The following C12orf42 variants were observed in gnomAD, a reference collection of about 807,000 sequenced individuals.
C12orf42 encodes the protein chromosome 12 open reading frame 42.
A neutral mutation model predicts 21.6 loss-of-function variants in C12orf42; 25 were observed. The ratio of observed to expected loss-of-function variants is 1.16; its 90% CI spans 0.84 to 1.62. The LOEUF is 1.62. Among genes scored for constraint, C12orf42 ranks in the 40% most tolerant of loss-of-function variants. The pLI, the probability that C12orf42 is intolerant of heterozygous loss-of-function variation, is 0.00. For missense variants in C12orf42, 483 were observed against 459.3 expected (o/e 1.05, Z -0.47); for synonymous variants, 174 against 175.0 (o/e 0.99, Z 0.05).
At chr12:103,147,493 CTTTTTTTTTCT>C in the C12orf42 span, among the ~76,000 whole-genome samples, 37 of 84,962 alleles carry the variant, frequency 4.4e-4, no homozygotes, top group African/African-American at 1.6e-3. Context: ...TTCTTTTTTT[CTTTTTTTTTCT>C]TTTTTTTTTT....
chr12:103,151,020 C>A, the C12orf42 span, among the ~76,000 whole-genome samples: 3 of 152,204 alleles, frequency 2.0e-5, no homozygotes, highest in South Asian at 6.2e-4. Context: ...CTTCACCTCC[C>A]AGGTTCAAGC....
the C12orf42 span, among the ~76,000 whole-genome samples, chr12:103,520,291 G>T: frequency 6.6e-6 from 1 of 152,144 alleles, no homozygotes; most frequent in Non-Finnish European, 1.5e-5. Flanking sequence ...AGAGTGTTGA[G>T]ATCATCAGCC....
At chr12:103,320,284 T>G (rs1471875002) in intron 4 of C12orf42, among the ~76,000 whole-genome samples, 1 of 152,176 alleles carries the variant, frequency 6.6e-6, no homozygotes, top group Admixed American at 6.5e-5. Flanking sequence ...CCAATAGAAA[T>G]ATTAACTTAA....
the C12orf42 span, among the ~76,000 whole-genome samples, chr12:103,153,830 A>G: frequency 6.6e-6 from 1 of 152,026 alleles, no homozygotes; most frequent in African/African-American, 2.4e-5. Flanking sequence ...AAATTCATAC[A>G]TATACTCACC....
the C12orf42 span, among the ~76,000 whole-genome samples, chr12:103,141,805 C>T: frequency 1.3e-5 from 2 of 152,166 alleles, no homozygotes; most frequent in Non-Finnish European, 2.9e-5. Context: ...GCTGGGATTA[C>T]AGGCATGAGC....
intron 2 of C12orf42, among the ~76,000 whole-genome samples, chr12:103,474,660 C>T (rs1212463707): frequency 6.6e-6 from 1 of 152,136 alleles, no homozygotes; most frequent in African/African-American, 2.4e-5. Flanking sequence ...TTAAATCAAG[C>T]CACCACTTTT....
intron 2 of C12orf42, among the ~76,000 whole-genome samples, chr12:103,455,367 G>A (rs752292247): frequency 2.0e-5 from 3 of 152,132 alleles, no homozygotes; most frequent in Non-Finnish European, 4.4e-5. Flanking sequence ...GTTTTTTAAA[G>A]AAGGGTGATA....
chr12:103,386,555 G>A (rs955491599), intron 3 of C12orf42, among the ~76,000 whole-genome samples: 1 of 152,204 alleles, frequency 6.6e-6, no homozygotes, highest in Non-Finnish European at 1.5e-5. Context: ...ACCACTGGCA[G>A]TCTTCCTGAA....
the C12orf42 span, chr12:103,178,287 T>C: frequency 6.6e-6 from 1 of 152,158 alleles, no homozygotes; most frequent in Non-Finnish European, 1.5e-5. Context: ...TTTAATAATT[T>C]TTTTCTTTTG....
At chr12:103,366,449 C>T (rs984224828) in intron 4 of C12orf42, among the ~76,000 whole-genome samples, 3 of 151,908 alleles carry the variant, frequency 2.0e-5, no homozygotes, top group Non-Finnish European at 4.4e-5. Flanking sequence ...GCAATAAAAA[C>T]AAAGATAAAT....
At chr12:103,174,829 C>T in the C12orf42 span, among the ~76,000 whole-genome samples, 933 of 152,164 alleles carry the variant, frequency 6.1e-3, 3 homozygotes, top group Non-Finnish European at 9.2e-3. Context: ...TCAAATCTCA[C>T]CAAGTGATGT....
chr12:103,386,883 G>A (rs564225427), intron 3 of C12orf42, among the ~76,000 whole-genome samples: 1 of 152,162 alleles, frequency 6.6e-6, no homozygotes, highest in African/African-American at 2.4e-5. Flanking sequence ...ATCCCTAACC[G>A]CTAGCTCTTC....
At chr12:103,183,143 C>T in the C12orf42 span, among the ~76,000 whole-genome samples, 16 of 152,176 alleles carry the variant, frequency 1.1e-4, no homozygotes, top group African/African-American at 3.9e-4. Flanking sequence ...GTACAGTGGC[C>T]CGTTCTCAGT....
At chr12:103,295,987 A>G (rs2037247653) in intron 4 of C12orf42, among the ~76,000 whole-genome samples, 1 of 148,704 alleles carries the variant, frequency 6.7e-6, no homozygotes, top group Non-Finnish European at 1.5e-5. Flanking sequence ...TGCATTAGGT[A>G]TATCTCCCAA....
chr12:103,147,479 ATTTTTCTT>A, the C12orf42 span, among the ~76,000 whole-genome samples: 5 of 116,338 alleles, frequency 4.3e-5, no homozygotes, highest in East Asian at 2.6e-4. Context: ...ATTTTTTTTA[ATTTTTCTT>A]TTTTTCTTTT....
the C12orf42 span, among the ~76,000 whole-genome samples, chr12:103,115,351 C>T: frequency 3.9e-5 from 6 of 152,300 alleles, no homozygotes; most frequent in South Asian, 1.2e-3. Context: ...TTTCTCCACA[C>T]CCCAATTACA....
chr12:103,267,717 G>A (rs2035238813), downstream of C12orf42: 1 of 152,092 alleles, frequency 6.6e-6, no homozygotes, highest in African/African-American at 2.4e-5. Flanking sequence ...AGCTGAGAAG[G>A]GAGCAAGTGG....
upstream of C12orf42, among the ~76,000 whole-genome samples, chr12:103,497,180 G>C (rs1955583423): frequency 6.6e-6 from 1 of 152,108 alleles, no homozygotes; most frequent in Non-Finnish European, 1.5e-5. Context: ...ATATGCAAGA[G>C]AGAAAAGTCA....
the C12orf42 span, among the ~76,000 whole-genome samples, chr12:103,193,948 T>C: frequency 6.6e-6 from 1 of 152,064 alleles, no homozygotes; most frequent in Non-Finnish European, 1.5e-5. Flanking sequence ...GCTAACAGAA[T>C]TCAAACCACA....
Sources: gnomAD v4.1 joint callset for allele counts (sites outside exome capture counted in the v4.1 genomes callset) on GRCh38, gnomAD v4.1.1 for gene constraint, MANE v1.5 for transcripts, NCBI Gene and HGNC (gene_info 2026-07-23, HGNC 2026-07-21) for gene names.